Variants in MED13 observed in about 807,000 individuals in gnomAD.
The protein encoded by MED13 is mediator complex subunit 13, also known as mediator of RNA polymerase II transcription subunit 13.
MED13 carries 23 observed loss-of-function variants against 225.2 expected under a neutral mutation model. The observed-to-expected ratio is 0.10, with a 90% CI of 0.07 to 0.14. The LOEUF (loss-of-function observed/expected upper bound fraction) is 0.14, where lower values mean the gene tolerates loss of function less well. Among genes scored for constraint, MED13 ranks in the 10% least tolerant of loss-of-function variants. MED13 has a pLI of 1.00. For synonymous variants in MED13, 942 were observed against 889.2 expected (o/e 1.06, Z -1.06); for missense variants, 2,197 against 2,594.5 (o/e 0.85, Z 3.33).
intron 3 of MED13, among the ~76,000 whole-genome samples, chr17:62,039,587 ATT>A (rs57066822): frequency 0.17 from 18,326 of 108,834 alleles, 1,166 homozygotes; most frequent in East Asian, 0.44. Context: ...CCCAGCCAAG[ATT>A]TTTTTTTTTT....
chr17:62,031,603 G>C lies in MED13; in HGVS notation c.850C>G (p.Leu284Val), dbSNP rs750195184. The change falls in exon 6 of 30, where the codon CTA (leucine) becomes GTA (valine). Residue 284 changes from leucine (L) to valine (V), a missense_variant. Leu to Val is a conservative substitution (Grantham distance 32). Coordinates refer to ENST00000397786, the MANE Select transcript of MED13 (RefSeq NM_005121.3). The stretch of plus-strand genomic sequence containing the variant: ...GTAGGAATGTCTGACTGAGGGACTA[G>C]AACAAAGCATGCTGGGTAGATCATT... ...VRMIYPACFVLVPQSDIPTPS... is the reference protein window; with the variant it reads ...VRMIYPACFVVVPQSDIPTPS... The C allele has an allele frequency of 1.2e-5, 19 of 1,612,132 alleles. No individual in the cohort carries two copies. In the East Asian group the frequency reaches 4.0e-4, roughly 34 times the overall value.
At chr17:61,991,654 C>T (rs968353731) in intron 11 of MED13, among the ~76,000 whole-genome samples, 4 of 152,206 alleles carry the variant, frequency 2.6e-5, no homozygotes, top group Admixed American at 1.3e-4. Context: ...ACCATAGGCG[C>T]GTGCCTCCAT....
At chr17:61,977,441 T>A (rs1331749503) in intron 16 of MED13, among the ~76,000 whole-genome samples, 1 of 152,202 alleles carries the variant, frequency 6.6e-6, no homozygotes, top group Admixed American at 6.5e-5. Flanking sequence ...TATTGCACAT[T>A]TATGTTTTCC....
At position 61,981,085 on chromosome 17, in the gene MED13, CG is replaced by C. The variant is rs769981595; in HGVS notation, c.3805+1112del. Among the ~76,000 whole-genome samples, 6 of 151,496 alleles carry C rather than the reference CG, an allele frequency of 4.0e-5. No individual in the cohort carries two copies. The South Asian group carries it at 1.3e-3, about 32-fold the overall frequency. ...TTGCCCAGGCTGGAGTGCAGTAGTG[CG>C]ATCTTGGCTCACTGCAACTTCCGCC... On this transcript the variant is annotated intron_variant, in intron 16 of 29. Transcript: ENST00000397786.
At position 62,043,634 on chromosome 17, in the gene MED13, T is replaced by G. The variant is rs547745691; in HGVS notation, c.471-8026A>C. On this transcript the variant is annotated intron_variant, in intron 3 of 29. Coordinates refer to ENST00000397786, the MANE Select transcript of MED13 (RefSeq NM_005121.3). ...TGGGCTTAAACCCCTAGAACTGTGT[T>G]GTAAATACAATAGCCAATACACACA... 2.6e-5 allele frequency among the ~76,000 whole-genome samples: 4 copies of G among 152,290 alleles called. No individual in the cohort carries two copies. In the South Asian group the frequency reaches 8.3e-4, roughly 32 times the overall value.
intron 23 of MED13, among the ~76,000 whole-genome samples, chr17:61,960,478 T>C (rs1038874307): frequency 1.3e-5 from 2 of 152,142 alleles, no homozygotes; most frequent in South Asian, 4.1e-4. Context: ...TCGCCAATTT[T>C]AGTAAATGAA....
intron 2 of MED13, among the ~76,000 whole-genome samples, chr17:62,059,190 T>A (rs1202203366): frequency 1.3e-5 from 2 of 152,194 alleles, no homozygotes; most frequent in South Asian, 4.1e-4. Context: ...TCCAAATATA[T>A]ACTTTAGTTA....
intron 8 of MED13, among the ~76,000 whole-genome samples, chr17:62,021,344 A>T (rs7223398): frequency 4.8e-5 from 6 of 123,900 alleles, no homozygotes; most frequent in Non-Finnish European, 1.0e-4. Flanking sequence ...CCTCCCGGAC[A>T]GGGTGGCTGG....
rs397857634 is a variant in MED13, at chr17:62,037,955, CAAAAAAAAAAAAAAAA to C, written c.471-2363_471-2348del. On this transcript the variant is annotated intron_variant, in intron 3 of 29. Coordinates refer to ENST00000397786, the MANE Select transcript of MED13 (RefSeq NM_005121.3). ...TGGGCAACAGAGTGAGACTTCATCT[CAAAAAAAAAAAAAAAA>C]AAAAAAAAAAAAAAGACACAGCGGC... is the stretch of plus-strand genomic sequence containing the variant. Among the ~76,000 whole-genome samples, 13 of 64,760 alleles carry C rather than the reference CAAAAAAAAAAAAAAAA, an allele frequency of 2.0e-4. No homozygotes were observed. The Admixed American group carries it at 2.1e-3, about 11-fold the overall frequency. 42.5% of individuals were successfully genotyped at this position (64,760 alleles called of 152,430 possible).
intron 9 of MED13, among the ~76,000 whole-genome samples, chr17:62,007,791 T>C (rs1482683427): frequency 6.6e-6 from 1 of 151,902 alleles, no homozygotes; most frequent in Non-Finnish European, 1.5e-5. Flanking sequence ...GAACTTGCAG[T>C]GAGCCAAGAT....
intron 8 of MED13, among the ~76,000 whole-genome samples, chr17:62,012,037 T>TA (rs2080514586): frequency 6.6e-6 from 1 of 151,772 alleles, no homozygotes; most frequent in Admixed American, 6.6e-5. Flanking sequence ...GCCAACATGG[T>TA]AAAACCCCGT....
intron 8 of MED13, among the ~76,000 whole-genome samples, chr17:62,015,846 A>G (rs1410526012): frequency 3.6e-5 from 4 of 111,780 alleles, no homozygotes; most frequent in Admixed American, 9.6e-5. Context: ...CACACACACT[A>G]TATATATGTG....
At chr17:61,994,062 G>T (rs983006178) in intron 10 of MED13, among the ~76,000 whole-genome samples, 2 of 151,142 alleles carry the variant, frequency 1.3e-5, no homozygotes, top group African/African-American at 4.9e-5. Flanking sequence ...TCACTGGCAT[G>T]ATCTCAGCTC....
At chr17:61,956,316 T>C in intron 24 of MED13, 23 bp downstream of exon 24, 1 of 1,598,676 alleles carries the variant, frequency 6.3e-7, no homozygotes, top group South Asian at 1.1e-5. Flanking sequence ...GAAATATAAA[T>C]ACTAATAAAA....
At chr17:62,042,733 G>A (rs1466339848) in intron 3 of MED13, among the ~76,000 whole-genome samples, 2 of 151,970 alleles carry the variant, frequency 1.3e-5, no homozygotes, top group East Asian at 3.9e-4. Context: ...GAGACATATC[G>A]GTCTATAGGG....
At chr17:62,056,678 T>C (rs532024556) in intron 2 of MED13, among the ~76,000 whole-genome samples, 2 of 152,206 alleles carry the variant, frequency 1.3e-5, no homozygotes, top group African/African-American at 4.8e-5. Context: ...GGAGGATTGC[T>C]TGAGTCCAGG....
chr17:62,005,656 T>C (rs1038337606), intron 9 of MED13: 1 of 152,196 alleles, frequency 6.6e-6, no homozygotes, highest in Non-Finnish European at 1.5e-5. Context: ...AAAATACTTT[T>C]AGATTCAAAG....
At chr17:62,024,834 C>T (rs1223203282) in intron 8 of MED13, among the ~76,000 whole-genome samples, 1 of 152,174 alleles carries the variant, frequency 6.6e-6, no homozygotes, top group Admixed American at 6.5e-5. Flanking sequence ...TGACCTCCAG[C>T]TCCATTCATG....
At chr17:61,955,618 A>G (rs1307508818) in intron 25 of MED13, 51 bp from the exon 26 acceptor site, 4 of 1,556,802 alleles carry the variant, frequency 2.6e-6, no homozygotes, top group Non-Finnish European at 3.5e-6. Context: ...TAAATTGTAT[A>G]TAATACTTAA....
Sources: allele counts gnomAD v4.1 joint callset (sites outside exome capture counted in the v4.1 genomes callset), GRCh38; gene constraint gnomAD v4.1.1; transcripts MANE v1.5; gene names NCBI Gene and HGNC (gene_info 2026-07-23, HGNC 2026-07-21).